Variants in NEK1 observed in about 807,000 individuals in gnomAD.
The protein encoded by NEK1 is serine/threonine-protein kinase Nek1.
In NEK1, 137 loss-of-function variants were observed where a neutral mutation model predicts 182.1. The ratio of observed to expected loss-of-function variants is 0.75; its 90% CI spans 0.65 to 0.87. The LOEUF (loss-of-function observed/expected upper bound fraction) is 0.87. Ranked by LOEUF, NEK1 falls within the 40% of genes least tolerant of loss-of-function variation. The probability of loss-of-function intolerance (pLI) is 0.00; values close to 1 mark genes in which losing one functional copy is unlikely to be tolerated. For synonymous variants in NEK1, 513 were observed against 492.2 expected, an observed-to-expected ratio of 1.04 and a Z score of -0.56; for missense variants, 1,391 against 1,494.4, an observed-to-expected ratio of 0.93 and a Z score of 1.14.
At chr4:169,419,262 A>G (rs1240707778) in intron 31 of NEK1, among the ~76,000 whole-genome samples, 1 of 152,136 alleles carries the variant, frequency 6.6e-6, no homozygotes. Context: ...AGAAGACAAT[A>G]TAATTCTATA....
intron 31 of NEK1, among the ~76,000 whole-genome samples, chr4:169,422,528 CAA>C (rs540425535): frequency 1.3e-3 from 199 of 151,976 alleles, no homozygotes; most frequent in African/African-American, 4.7e-3. Flanking sequence ...TTAACATTTG[CAA>C]AAAAGAGTTT....
chr4:169,437,302 G>A (rs75539609), intron 28 of NEK1, among the ~76,000 whole-genome samples: 24 of 152,120 alleles, frequency 1.6e-4, no homozygotes, highest in Admixed American at 2.6e-4. Context: ...CCATCTGCAC[G>A]GCCTGACTTT....
rs2150178837 is a variant in NEK1, at chr4:169,612,037, T to G, written c.-66A>C. On this transcript the variant is annotated 5_prime_UTR_variant, in exon 2 of 36. The change abolishes the stop of an existing upstream ORF in the 5' untranslated region. Transcript: ENST00000507142. ...GAACTCACCTCAGTGACACAGGACG[T>G]TAGTAGGAATAACGGTGATGACTAA... is the stretch of plus-strand genomic sequence containing the variant. 1 of 152,348 alleles carries G rather than the reference T, an allele frequency of 6.6e-6. No individual in the cohort carries two copies. Among genetic ancestry groups the G allele is most frequent in the South Asian group, 2.1e-4 (1 of 4,832 alleles). The allele number at this position is 152,348 out of a possible 1,614,324, so 9.4% of individuals were successfully genotyped here.
chr4:169,485,083 A>G (rs1748792653), intron 23 of NEK1, among the ~76,000 whole-genome samples: 1 of 152,228 alleles, frequency 6.6e-6, no homozygotes, highest in South Asian at 2.1e-4. Flanking sequence ...ATGATCAGAA[A>G]TTAAAATTTG....
chr4:169,500,283 C>T (rs1027295033), intron 23 of NEK1, among the ~76,000 whole-genome samples: 2 of 152,152 alleles, frequency 1.3e-5, no homozygotes, highest in African/African-American at 2.4e-5. Flanking sequence ...ACCCGATTTT[C>T]CAGGTGCCGT....
At chr4:169,540,295 A>T (rs1759194442) in intron 18 of NEK1, among the ~76,000 whole-genome samples, 1 of 152,192 alleles carries the variant, frequency 6.6e-6, no homozygotes, top group Non-Finnish European at 1.5e-5. Flanking sequence ...TTGGTTCAAC[A>T]TATGAAAATC....
At chr4:169,474,373 T>C (rs1178734845) in intron 26 of NEK1, among the ~76,000 whole-genome samples, 1 of 152,228 alleles carries the variant, frequency 6.6e-6, no homozygotes, top group Non-Finnish European at 1.5e-5. Flanking sequence ...ATAAAATATT[T>C]TCAAGTCTCT....
At chr4:169,499,418 T>C (rs1751999093) in intron 23 of NEK1, among the ~76,000 whole-genome samples, 1 of 152,228 alleles carries the variant, frequency 6.6e-6, no homozygotes, top group African/African-American at 2.4e-5. Context: ...AGTCATTCTC[T>C]GTCCAGCTTT....
chr4:169,485,428 G>A (rs991170283), intron 23 of NEK1, among the ~76,000 whole-genome samples: 1 of 152,160 alleles, frequency 6.6e-6, no homozygotes, highest in Non-Finnish European at 1.5e-5. Context: ...TGGGCCTTCT[G>A]TATAAATATC....
chr4:169,550,733 T>C (rs1017578950), intron 18 of NEK1, among the ~76,000 whole-genome samples: 2 of 152,208 alleles, frequency 1.3e-5, no homozygotes, highest in Admixed American at 6.5e-5. Context: ...TAACACTGAA[T>C]TCATGGCCAA....
At chr4:169,476,267 C>G (rs1485047011) in intron 26 of NEK1, among the ~76,000 whole-genome samples, 1 of 152,054 alleles carries the variant, frequency 6.6e-6, no homozygotes, top group Non-Finnish European at 1.5e-5. Context: ...GGGGGCTCTT[C>G]CAAGGCTGAT....
rs546705731 is a variant in NEK1, at chr4:169,552,380, T to C, written c.1562+3340A>G. 3.3e-5 allele frequency among the ~76,000 whole-genome samples: 5 copies of C among 151,258 alleles called. No homozygotes were observed. The South Asian group carries it at 1.0e-3, about 32-fold the overall frequency. On this transcript the variant is annotated intron_variant, in intron 18 of 35. Coordinates refer to ENST00000507142, the MANE Select transcript of NEK1 (RefSeq NM_001199397.3). Reference sequence around the variant, plus strand: ...ATACATGCCAAAAAAAAAAAAGCATTTGACAAAATCCAGCACCCATTTCTG... The same window carrying C: ...ATACATGCCAAAAAAAAAAAAGCATCTGACAAAATCCAGCACCCATTTCTG...
intron 35 of NEK1, among the ~76,000 whole-genome samples, chr4:169,396,671 T>C (rs1041894369): frequency 2.6e-5 from 4 of 152,182 alleles, no homozygotes; most frequent in Non-Finnish European, 5.9e-5. Flanking sequence ...GAGAGTTAAA[T>C]AGCTGAGGCT....
intron 31 of NEK1, among the ~76,000 whole-genome samples, chr4:169,407,431 G>A (rs1380324475): frequency 1.3e-5 from 2 of 152,174 alleles, no homozygotes; most frequent in Non-Finnish European, 2.9e-5. Flanking sequence ...GACTGTGAGT[G>A]GAACCTTTCT....
intron 18 of NEK1, among the ~76,000 whole-genome samples, chr4:169,545,877 C>T (rs577200806): frequency 7.2e-5 from 11 of 152,108 alleles, no homozygotes; most frequent in Admixed American, 3.3e-4. Flanking sequence ...TCATGTCCTT[C>T]GCCCACTTCA....
rs886787025 is a variant in NEK1 at position 169,392,993 on chromosome 4, C to T, written c.*1517G>A. 4.6e-5 allele frequency: 7 copies of T among 152,150 alleles called. No individual in the cohort carries two copies. The highest frequency in any genetic ancestry group is 2.9e-5 in the Non-Finnish European group (2 of 68,022). 9.4% of individuals were successfully genotyped at this position (152,150 alleles called of 1,614,324 possible). On this transcript the variant is annotated 3_prime_UTR_variant, in exon 36 of 36. Coordinates refer to ENST00000507142, the MANE Select transcript of NEK1 (RefSeq NM_001199397.3). ...ACAAATCTTATTGATCATCCTTATT[C>T]CTGCACATATATAACATCTTTTGAA...
intron 12 of NEK1, among the ~76,000 whole-genome samples, chr4:169,566,539 C>G (rs375890078): frequency 2.0e-5 from 3 of 151,760 alleles, no homozygotes; most frequent in East Asian, 3.8e-4. Flanking sequence ...TTTAACAGAG[C>G]CTTTAAAAAA....
At chr4:169,462,465 T>C (rs1579869917) in intron 27 of NEK1, among the ~76,000 whole-genome samples, 2 of 152,236 alleles carry the variant, frequency 1.3e-5, no homozygotes, top group Admixed American at 1.3e-4. Context: ...GCAGCCTACT[T>C]TTGCCATTTC....
intron 18 of NEK1, among the ~76,000 whole-genome samples, chr4:169,553,265 AAT>A (rs1761690024): frequency 6.6e-6 from 1 of 152,206 alleles, no homozygotes; most frequent in African/African-American, 2.4e-5. Context: ...CAAAGAAACA[AAT>A]ATAGTCTTTT....
Sources: gnomAD v4.1 joint callset for allele counts (sites outside exome capture counted in the v4.1 genomes callset) on GRCh38, gnomAD v4.1.1 for gene constraint, MANE v1.5 for transcripts, NCBI Gene and HGNC (gene_info 2026-07-23, HGNC 2026-07-21) for gene names.